The following TRIM14 variants were observed in gnomAD, a reference collection of about 807,000 sequenced individuals.
TRIM14 encodes the protein tripartite motif-containing protein 14.
TRIM14 carries 28 observed loss-of-function variants against 44.5 expected under a neutral mutation model. The ratio of observed to expected loss-of-function variants is 0.63; its 90% CI spans 0.47 to 0.86. The LOEUF is 0.86. Ranked by LOEUF, TRIM14 falls within the 40% of genes least tolerant of loss-of-function variation. The probability of loss-of-function intolerance (pLI) is 0.00; values close to 1 mark genes in which losing one functional copy is unlikely to be tolerated. For missense variants in TRIM14, 607 were observed against 611.1 expected (o/e 0.99, Z 0.07); for synonymous variants, 299 against 269.2 (o/e 1.11, Z -1.08).
chr9:98,036,004 T>C, the TRIM14 span, among the ~76,000 whole-genome samples: 1 of 151,374 alleles, frequency 6.6e-6, no homozygotes, highest in South Asian at 2.1e-4. Flanking sequence ...AGGTCAGGAA[T>C]TCGAGACCAG....
intron 6 of TRIM14, chr9:98,076,723 G>A: frequency 1.8e-6 from 1 of 561,292 alleles, no homozygotes; most frequent in Non-Finnish European, 3.1e-6. Flanking sequence ...TGGGCTAATG[G>A]ATGGGTGGAT....
chr9:98,098,780 G>A (rs1411291357), intron 3 of TRIM14, among the ~76,000 whole-genome samples: 1 of 152,050 alleles, frequency 6.6e-6, no homozygotes, highest in Non-Finnish European at 1.5e-5. Flanking sequence ...GACTATCCCT[G>A]GGGCTAGTTC....
intron 2 of TRIM14, among the ~76,000 whole-genome samples, chr9:98,100,538 CATT>C (rs1383894269): frequency 6.6e-6 from 1 of 151,886 alleles, no homozygotes; most frequent in African/African-American, 2.4e-5. Context: ...ATTATTAAAT[CATT>C]AGGAGAGAGA....
At chr9:98,056,610 G>GCCCCGC in the TRIM14 span, 19 of 761,150 alleles carry the variant, frequency 2.5e-5, no homozygotes, top group African/African-American at 2.3e-4. Context: ...CCCGCGGGAG[G>GCCCCGC]CCCCGCCCCC....
chr9:98,118,505 A>C (rs755730716), intron 1 of TRIM14, among the ~76,000 whole-genome samples: 6 of 152,202 alleles, frequency 3.9e-5, no homozygotes, highest in Non-Finnish European at 5.9e-5. Context: ...CTCCCAGGGC[A>C]GTCAGGCCGT....
the TRIM14 span, chr9:98,056,845 G>A: frequency 6.2e-7 from 1 of 1,612,150 alleles, no homozygotes; most frequent in African/African-American, 1.3e-5. Flanking sequence ...CGGGCGCTGG[G>A]TGGGCGGGCA....
intron 6 of TRIM14, among the ~76,000 whole-genome samples, chr9:98,073,540 C>T (rs1372458323): frequency 6.6e-6 from 1 of 151,226 alleles, no homozygotes; most frequent in Non-Finnish European, 1.5e-5. Context: ...GCCACGGCCT[C>T]CCAAAGTGCT....
At chr9:98,094,824 C>G in intron 4 of TRIM14, 43 bp downstream of exon 4, 1 of 1,598,340 alleles carries the variant, frequency 6.3e-7, no homozygotes, top group Non-Finnish European at 8.6e-7. Flanking sequence ...CTAAAGGACA[C>G]TAGGGGAGTT....
intron 1 of TRIM14, among the ~76,000 whole-genome samples, chr9:98,115,456 G>A (rs149192713): frequency 2.5e-4 from 38 of 152,250 alleles, no homozygotes; most frequent in Non-Finnish European, 4.1e-4. Flanking sequence ...CACCATGTTG[G>A]TCATACTGGT....
chr9:98,088,152 G>A (rs1825865725), intron 5 of TRIM14, 147 bp from the exon 6 acceptor site: 1 of 879,850 alleles, frequency 1.1e-6, no homozygotes, highest in Non-Finnish European at 1.6e-6. Flanking sequence ...TTTAAACCGC[G>A]ACTGCCCCTG....
the TRIM14 span, chr9:98,061,303 C>T: frequency 3.3e-6 from 1 of 304,242 alleles, no homozygotes; most frequent in East Asian, 6.9e-5. Context: ...ATGGTGAAAC[C>T]CCATCTCTAC....
the TRIM14 span, among the ~76,000 whole-genome samples, chr9:98,045,269 A>G: frequency 1.9e-3 from 291 of 152,310 alleles, 5 homozygotes; most frequent in African/African-American, 6.8e-3. Flanking sequence ...TTCACATGCC[A>G]AGGTCAAATC....
At chr9:98,102,663 T>C (rs527451342) in intron 2 of TRIM14, among the ~76,000 whole-genome samples, 1 of 152,256 alleles carries the variant, frequency 6.6e-6, no homozygotes, top group East Asian at 1.9e-4. Flanking sequence ...AGAGTCGACG[T>C]TACCAAGGGC....
chr9:98,047,682 C>T, the TRIM14 span, among the ~76,000 whole-genome samples: 2 of 151,956 alleles, frequency 1.3e-5, no homozygotes, highest in Admixed American at 6.6e-5. Context: ...GTAGGAAATA[C>T]AGTTTTGGGG....
At chr9:98,056,910 C>T in the TRIM14 span, 382,699 of 1,608,508 alleles carry the variant, frequency 0.24, 56,116 homozygotes, top group African/African-American at 0.63. Context: ...GCGACCTGGA[C>T]GTAGCCAAGC....
chr9:98,047,863 GA>G, the TRIM14 span, among the ~76,000 whole-genome samples: 9 of 151,964 alleles, frequency 5.9e-5, no homozygotes, highest in Non-Finnish European at 1.2e-4. Flanking sequence ...TCAGGAGTTT[GA>G]GACCAGCCTG....
At chr9:98,043,415 C>A in the TRIM14 span, among the ~76,000 whole-genome samples, 1 of 152,160 alleles carries the variant, frequency 6.6e-6, no homozygotes, top group Non-Finnish European at 1.5e-5. Flanking sequence ...GATCTGCCCA[C>A]CTCAACCTTC....
intron 2 of TRIM14, among the ~76,000 whole-genome samples, chr9:98,108,158 C>G (rs147219943): frequency 6.8e-6 from 1 of 147,580 alleles, no homozygotes; most frequent in African/African-American, 2.5e-5. Context: ...TCAAGGTACA[C>G]AAAACTCTAC....
the TRIM14 span, among the ~76,000 whole-genome samples, chr9:98,046,255 T>C: frequency 1.3e-5 from 2 of 152,132 alleles, no homozygotes; most frequent in Admixed American, 6.5e-5. Flanking sequence ...TTCTGACTTA[T>C]ACATGCGTAA....
Sources: allele counts gnomAD v4.1 joint callset (sites outside exome capture counted in the v4.1 genomes callset), GRCh38; gene constraint gnomAD v4.1.1; transcripts MANE v1.5; gene names NCBI Gene and HGNC (gene_info 2026-07-23, HGNC 2026-07-21).